The following DYSF variants were observed in gnomAD, a reference collection of about 807,000 sequenced individuals.
DYSF encodes the protein dysferlin.
A neutral mutation model predicts 274.9 loss-of-function variants in DYSF; 212 were observed. The ratio of observed to expected loss-of-function variants is 0.77; its 90% CI spans 0.69 to 0.86. The LOEUF is 0.86. DYSF is among the 40% of genes least tolerant of loss of function. DYSF has a pLI of 0.00. For synonymous variants in DYSF, 1,091 were observed against 1,078.7 expected, an observed-to-expected ratio of 1.01 and a Z score of -0.22; for missense variants, 2,666 against 2,783.2, an observed-to-expected ratio of 0.96 and a Z score of 0.95.
At chr2:71,655,435 A>G (rs944548246) in intron 42 of DYSF, among the ~76,000 whole-genome samples, 1 of 152,220 alleles carries the variant, frequency 6.6e-6, no homozygotes, top group Non-Finnish European at 1.5e-5. Context: ...CGAATTTAGC[A>G]TGTATGTTAA....
chr2:71,533,484 C>G (rs535967737), intron 14 of DYSF, among the ~76,000 whole-genome samples: 1 of 152,202 alleles, frequency 6.6e-6, no homozygotes, highest in Non-Finnish European at 1.5e-5. Context: ...ATTGTACGGA[C>G]GGACCATACT....
intron 38 of DYSF, 101 bp downstream of exon 38, chr2:71,611,727 T>C: frequency 1.4e-6 from 2 of 1,435,670 alleles, no homozygotes. Flanking sequence ...CCCTGCGGGA[T>C]CCAGGGTAGG....
Position 71,620,613 on chromosome 2 carries a change from T to A in DYSF, c.4527+4T>A. 1.3e-6 allele frequency: 2 copies of A among 1,551,150 alleles called. No individual in the cohort carries two copies. The highest frequency in any genetic ancestry group is 3.3e-4 in the Middle Eastern group (2 of 5,992). ...TTCTCCTCCATCCAGTCCTCATGTA[T>A]GTACTGTTTACTTATTTGTGGGCTC... On this transcript the variant is annotated splice_donor_region_variant and intron_variant, in intron 41 of 55. Coordinates refer to ENST00000410020, the MANE Select transcript of DYSF (RefSeq NM_001130987.2).
chr2:71,673,342 G>A (rs1375732043), intron 51 of DYSF, among the ~76,000 whole-genome samples: 4 of 152,252 alleles, frequency 2.6e-5, no homozygotes. Flanking sequence ...AAGCCTCAGT[G>A]GGAGGAAGCC....
chr2:71,546,717 C>T (rs2090506059), intron 17 of DYSF, among the ~76,000 whole-genome samples: 1 of 152,134 alleles, frequency 6.6e-6, no homozygotes, highest in Admixed American at 6.5e-5. Context: ...TTAAGAAATC[C>T]AAAGTTAGTC....
At chr2:71,512,109 A>C (rs1274859877) in intron 5 of DYSF, among the ~76,000 whole-genome samples, 188 bp downstream of exon 5, 1 of 152,246 alleles carries the variant, frequency 6.6e-6, no homozygotes, top group Non-Finnish European at 1.5e-5. Context: ...TCTGCTGTGC[A>C]GAAAGAAGGG....
intron 36 of DYSF, chr2:71,610,911 A>T (rs2093743508): frequency 2.6e-6 from 1 of 391,878 alleles, no homozygotes; most frequent in Non-Finnish European, 4.9e-6. Flanking sequence ...GTGCACGCAT[A>T]TGCTGTGTGC....
intron 10 of DYSF, 147 bp downstream of exon 10, chr2:71,517,186 C>T (rs1159734711): frequency 3.8e-6 from 3 of 799,256 alleles, no homozygotes; most frequent in Non-Finnish European, 6.3e-6. Flanking sequence ...AAGCCCTCTG[C>T]ACAGCATCTC....
intron 8 of DYSF, 115 bp from the exon 9 acceptor site, chr2:71,516,065 T>C: frequency 9.1e-7 from 1 of 1,101,806 alleles, no homozygotes; most frequent in Non-Finnish European, 1.4e-6. Flanking sequence ...CCAATCCACA[T>C]TTTCTGAGGG....
intron 17 of DYSF, among the ~76,000 whole-genome samples, chr2:71,548,072 C>T (rs933560068): frequency 4.6e-5 from 7 of 152,206 alleles, no homozygotes; most frequent in Non-Finnish European, 8.8e-5. Context: ...AGCCCTGGCT[C>T]GCCCACAGAA....
chr2:71,589,402 G>A (rs1484827431), intron 30 of DYSF, among the ~76,000 whole-genome samples, 191 bp from the exon 31 acceptor site: 3 of 152,166 alleles, frequency 2.0e-5, no homozygotes, highest in African/African-American at 4.8e-5. Context: ...CAGTCCTTTG[G>A]TGCTTTGACA....
At chr2:71,515,520 C>G in intron 7 of DYSF, 103 bp from the exon 8 acceptor site, 1 of 1,521,486 alleles carries the variant, frequency 6.6e-7, no homozygotes, top group Non-Finnish European at 9.1e-7. Context: ...CCCAAGAAGC[C>G]AGTGGTGAGA....
intron 41 of DYSF, among the ~76,000 whole-genome samples, chr2:71,638,459 C>T (rs1211659594): frequency 1.3e-5 from 2 of 151,830 alleles, no homozygotes; most frequent in Non-Finnish European, 2.9e-5. Flanking sequence ...TAAATGGAGT[C>T]CTAAAGAGGT....
At chr2:71,523,099 G>C (rs1282408571) in intron 12 of DYSF, among the ~76,000 whole-genome samples, 1 of 152,176 alleles carries the variant, frequency 6.6e-6, no homozygotes, top group Non-Finnish European at 1.5e-5. Context: ...GTCCAGAATT[G>C]GCACAGTGCT....
chr2:71,570,586 C>G lies in DYSF; in HGVS notation c.3086-13C>G, dbSNP rs759266871. 7.4e-6 allele frequency: 12 copies of G among 1,612,928 alleles called. No homozygotes were observed. Among genetic ancestry groups the G allele is most frequent in the Non-Finnish European group, 1.0e-5 (12 of 1,179,636 alleles). On this transcript the variant is annotated splice_polypyrimidine_tract_variant and intron_variant, in intron 28 of 55. Transcript: ENST00000410020. ...ACTGCCAAGCAATGAGTGACCGGTT[C>G]CCCCTCCCCCAGGCTGGGAGTATAG...
At chr2:71,463,827 A>G (rs925469501), upstream of DYSF, among the ~76,000 whole-genome samples, 3 of 152,226 alleles carry the variant, frequency 2.0e-5, no homozygotes, top group African/African-American at 7.2e-5. Context: ...GCCAAGAAAT[A>G]TGCTCAGATA....
chr2:71,612,723 T>C lies in DYSF; in HGVS notation c.4304T>C (p.Val1435Ala), dbSNP rs2093793632. The change falls in exon 39 of 56, where the codon GTG (valine) becomes GCG (alanine). Residue 1435 changes from valine to alanine, a missense_variant. Val to Ala is a moderately conservative substitution (Grantham distance 64). Coordinates refer to ENST00000410020, the MANE Select transcript of DYSF (RefSeq NM_001130987.2). ...CGCCAGTTTGGCCGCCGGCCTGTGG[T>C]GGGCCAGTGTACCATCCGCTCCCTG... ...DNRQFGRRPV[V>A]GQCTIRSLES... The C allele has an allele frequency of 6.2e-7, 1 of 1,614,028 alleles. No homozygotes were observed. The highest frequency in any genetic ancestry group is 8.5e-7 in the Non-Finnish European group (1 of 1,180,028).
At chr2:71,553,981 AC>A (rs772732475) in intron 21 of DYSF, 50 bp downstream of exon 21, 1 of 1,613,314 alleles carries the variant, frequency 6.2e-7, no homozygotes. Context: ...TGCACCTGCT[AC>A]CCCCGCTGCA....
rs760627822 is a variant in DYSF at position 71,611,531 on chromosome 2, G to C, written c.4126G>C (p.Val1376Leu). Residue 1376 changes from valine (V) to leucine (L), a missense_variant, in exon 38 of 56, where the codon GTG (valine) becomes CTG (leucine). This residue lies in a region of DYSF where 1,460 missense variants were observed against 1,502.1 expected (regional missense o/e 0.97). Coordinates refer to ENST00000410020, the MANE Select transcript of DYSF (RefSeq NM_001130987.2). ...GGCCAACATCTCCTCCCCCAGCCTC[G>C]TGGTAGAGTGTGGGGGCCAGACGGT... ...QLANISSPSL[V>L]VECGGQTVQS... 1 of 1,614,168 alleles carries C rather than the reference G, an allele frequency of 6.2e-7. No individual in the cohort carries two copies. The highest frequency in any genetic ancestry group is 8.5e-7 in the Non-Finnish European group (1 of 1,180,030).
Sources: allele counts gnomAD v4.1 joint callset (sites outside exome capture counted in the v4.1 genomes callset), GRCh38; gene constraint gnomAD v4.1.1; regional missense constraint gnomAD v4.1.1; transcripts MANE v1.5; gene names NCBI Gene and HGNC (gene_info 2026-07-23, HGNC 2026-07-21).